The following SUGCT variants were observed in gnomAD, a reference collection of about 807,000 sequenced individuals.
SUGCT encodes the protein succinyl-CoA:glutarate CoA-transferase.
Under a neutral mutation model 55.0 loss-of-function variants are expected in SUGCT, and 41 were observed. The ratio of observed to expected loss-of-function variants is 0.74; its 90% CI spans 0.58 to 0.97. SUGCT has a LOEUF of 0.97. Among genes scored for constraint, SUGCT ranks in the 50% least tolerant of loss-of-function variants. The probability of loss-of-function intolerance (pLI) is 0.00; values close to 1 mark genes in which losing one functional copy is unlikely to be tolerated. For missense variants in SUGCT, 568 were observed against 547.8 expected (o/e 1.04, Z -0.37); for synonymous variants, 187 against 200.4 (o/e 0.93, Z 0.56).
intron 12 of SUGCT, 121 bp downstream of exon 12, chr7:40,496,507 A>C: frequency 1.4e-6 from 1 of 725,166 alleles, no homozygotes; most frequent in East Asian, 2.8e-5. Flanking sequence ...TCATATTAAA[A>C]TTGTTTGTGG....
chr7:40,730,365 C>T (rs1786831617), intron 12 of SUGCT, among the ~76,000 whole-genome samples: 2 of 152,138 alleles, frequency 1.3e-5, no homozygotes, highest in Admixed American at 6.5e-5. Flanking sequence ...CCTCAGCTTC[C>T]CAAAGTGTTG....
chr7:40,667,457 C>T (rs933018994), intron 12 of SUGCT, among the ~76,000 whole-genome samples: 2 of 151,922 alleles, frequency 1.3e-5, no homozygotes, highest in African/African-American at 4.8e-5. Flanking sequence ...ATGCTGGCTT[C>T]ATAGAATGAG....
At chr7:40,929,095 C>G in the SUGCT span, among the ~76,000 whole-genome samples, 4 of 152,170 alleles carry the variant, frequency 2.6e-5, no homozygotes, top group East Asian at 1.9e-4. Context: ...CCCGCCACCC[C>G]CTGACAGGCC....
At chr7:40,680,918 T>C (rs1391818094) in intron 12 of SUGCT, among the ~76,000 whole-genome samples, 3 of 152,176 alleles carry the variant, frequency 2.0e-5, no homozygotes, top group Admixed American at 1.3e-4. Context: ...GGAAAATTCA[T>C]GCACTTTAAA....
At position 40,695,167 on chromosome 7, in the gene SUGCT, TTTTATTTATTTATTTATTTA is replaced by T. The variant is rs71560200; in HGVS notation, c.1090-54235_1090-54216del. ...TAATGTTATCTACCTAAACCCTTAT[TTTTATTTATTTATTTATTTA>T]TTTATTTATTTATTTATTTATTTAT... On this transcript the variant is annotated intron_variant, in intron 12 of 13. Coordinates refer to ENST00000335693, the MANE Select transcript of SUGCT (RefSeq NM_001193313.2). Among the ~76,000 whole-genome samples the T allele has an allele frequency of 5.4e-4, 73 of 135,508 alleles. 1 individual carries two copies. Among genetic ancestry groups the T allele is most frequent in the African/African-American group, 1.8e-3 (65 of 36,090 alleles). The allele number at this position is 135,508 out of a possible 152,430, so 88.9% of individuals were successfully genotyped here. A position where few individuals can be genotyped will look rare whatever the true frequency, so the allele number is the denominator to read the frequency against.
intron 12 of SUGCT, among the ~76,000 whole-genome samples, chr7:40,628,907 A>AT (rs1799653085): frequency 6.6e-6 from 1 of 151,890 alleles, no homozygotes; most frequent in Non-Finnish European, 1.5e-5. Context: ...CACCCAGCTA[A>AT]TTTTTTGTAT....
At chr7:40,441,429 A>G (rs546580745) in intron 9 of SUGCT, among the ~76,000 whole-genome samples, 1 of 152,264 alleles carries the variant, frequency 6.6e-6, no homozygotes, top group East Asian at 1.9e-4. Flanking sequence ...TTTATTTGTG[A>G]TATTAACTAT....
intron 1 of SUGCT, among the ~76,000 whole-genome samples, chr7:40,145,306 C>A (rs1361203970): frequency 6.6e-6 from 1 of 152,176 alleles, no homozygotes. Flanking sequence ...AATCAAGAGG[C>A]CTAATTACTT....
intron 9 of SUGCT, among the ~76,000 whole-genome samples, chr7:40,426,791 C>A (rs1787608992): frequency 6.6e-6 from 1 of 151,942 alleles, no homozygotes; most frequent in Non-Finnish European, 1.5e-5. Flanking sequence ...TTAAGAATGG[C>A]ACATTTAATT....
the SUGCT span, among the ~76,000 whole-genome samples, chr7:40,883,946 A>G: frequency 6.6e-6 from 1 of 152,196 alleles, no homozygotes; most frequent in African/African-American, 2.4e-5. Flanking sequence ...CTTAAATCAC[A>G]GAAACACTCT....
chr7:40,657,176 A>G (rs1584221473), intron 12 of SUGCT, among the ~76,000 whole-genome samples: 4 of 152,296 alleles, frequency 2.6e-5, no homozygotes, highest in Admixed American at 2.6e-4. Flanking sequence ...GCTATAAATC[A>G]AATTTCCATG....
chr7:40,245,424 T>TATATATATATATATATA (rs59609393), intron 7 of SUGCT, among the ~76,000 whole-genome samples: 46 of 11,570 alleles, frequency 4.0e-3, no homozygotes, highest in East Asian at 0.023. Flanking sequence ...TATATATATA[T>TATATATATATATATATA]TTTTTTTTTT....
chr7:40,758,596 G>A (rs1015065891), intron 13 of SUGCT, among the ~76,000 whole-genome samples: 17 of 152,036 alleles, frequency 1.1e-4, no homozygotes, highest in African/African-American at 3.9e-4. Flanking sequence ...CTAGGTATGT[G>A]GGCCTTATTG....
At chr7:40,551,047 T>A (rs752599405) in intron 12 of SUGCT, among the ~76,000 whole-genome samples, 1 of 152,192 alleles carries the variant, frequency 6.6e-6, no homozygotes, top group African/African-American at 2.4e-5. Flanking sequence ...GCCATGTCTC[T>A]GCAATGCCTT....
intron 6 of SUGCT, among the ~76,000 whole-genome samples, chr7:40,214,167 G>A (rs1005227996): frequency 6.6e-6 from 1 of 152,154 alleles, no homozygotes; most frequent in Non-Finnish European, 1.5e-5. Context: ...GGTTAGTTGA[G>A]GAGGTTCTTA....
At chr7:40,282,219 G>A (rs780589134) in intron 8 of SUGCT, among the ~76,000 whole-genome samples, 4 of 152,064 alleles carry the variant, frequency 2.6e-5, no homozygotes, top group African/African-American at 7.2e-5. Context: ...TGTAATCCCA[G>A]CACTTTGGGA....
the SUGCT span, among the ~76,000 whole-genome samples, chr7:40,933,186 C>T: frequency 8.5e-5 from 13 of 152,244 alleles, no homozygotes; most frequent in African/African-American, 3.1e-4. Context: ...TTCTCCTTCA[C>T]TTAGGAAGCC....
the SUGCT span, among the ~76,000 whole-genome samples, chr7:41,009,690 A>G: frequency 6.6e-6 from 1 of 151,778 alleles, no homozygotes; most frequent in Non-Finnish European, 1.5e-5. Flanking sequence ...CCTTCCATCC[A>G]CTATCCATCC....
At chr7:40,934,972 T>C in the SUGCT span, among the ~76,000 whole-genome samples, 2 of 152,140 alleles carry the variant, frequency 1.3e-5, no homozygotes, top group Admixed American at 1.3e-4. Flanking sequence ...GGTACCTCAG[T>C]TGGAAATGCA....
Sources: allele counts gnomAD v4.1 joint callset (sites outside exome capture counted in the v4.1 genomes callset), GRCh38; gene constraint gnomAD v4.1.1; transcripts MANE v1.5; gene names NCBI Gene and HGNC (gene_info 2026-07-23, HGNC 2026-07-21).